ATXN1: variants seen among roughly 807,000 people sequenced by gnomAD.
The protein encoded by ATXN1 is ataxin 1, also known as ataxin-1.
A neutral mutation model predicts 56.4 loss-of-function variants in ATXN1; 8 were observed. The observed-to-expected ratio is 0.14, with a 90% CI of 0.08 to 0.26. The LOEUF (loss-of-function observed/expected upper bound fraction) is 0.26. Among genes scored for constraint, ATXN1 ranks in the 10% least tolerant of loss-of-function variants. The pLI is 1.00. For synonymous variants in ATXN1, 514 were observed against 494.6 expected, an observed-to-expected ratio of 1.04 and a Z score of -0.52; for missense variants, 987 against 1,106.5, an observed-to-expected ratio of 0.89 and a Z score of 1.53.
At chr6:16,694,283 C>T (rs555934080) in intron 2 of ATXN1, among the ~76,000 whole-genome samples, 3 of 136,592 alleles carry the variant, frequency 2.2e-5, no homozygotes, top group African/African-American at 8.1e-5. Flanking sequence ...GACGGAGTCT[C>T]GCTCTGTCGC....
chr6:16,299,425 C>CAGAG lies in ATXN1; in HGVS notation c.*6900_*6903dup, dbSNP rs1211256902. ...AGTACAATATTTTACACTGGAATTA[C>CAGAG]AGAGAGTATGCACGCATATGGAAAA... On this transcript the variant is annotated 3_prime_UTR_variant, in exon 8 of 8. Coordinates refer to ENST00000436367, the MANE Select transcript of ATXN1 (RefSeq NM_001128164.2). 1 of 152,582 alleles carries CAGAG rather than the reference C, an allele frequency of 6.6e-6. No individual in the cohort carries two copies. The highest frequency in any genetic ancestry group is 2.4e-5 in the African/African-American group (1 of 41,440). The allele number at this position is 152,582 out of a possible 1,614,324, so 9.5% of individuals were successfully genotyped here.
At chr6:16,673,114 G>A (rs1758582409) in intron 2 of ATXN1, among the ~76,000 whole-genome samples, 1 of 152,084 alleles carries the variant, frequency 6.6e-6, no homozygotes, top group Non-Finnish European at 1.5e-5. Context: ...GAGCCTGGCT[G>A]ACACTTTGAT....
At chr6:16,653,478 T>G (rs560642352) in intron 3 of ATXN1, among the ~76,000 whole-genome samples, 58 of 152,332 alleles carry the variant, frequency 3.8e-4, no homozygotes, top group African/African-American at 1.3e-3. Context: ...CAGAATAAAC[T>G]GCCAAGGGTA....
chr6:16,459,885 G>C (rs1393413419), intron 6 of ATXN1, among the ~76,000 whole-genome samples: 3 of 152,146 alleles, frequency 2.0e-5, no homozygotes, highest in Non-Finnish European at 4.4e-5. Flanking sequence ...GAACTTTCTA[G>C]CTAATCAAGG....
Position 16,716,199 on chromosome 6 carries a change from G to A in ATXN1, c.-615+37034C>T, listed in dbSNP as rs888024969. ...CTCATCCAAACTTCCCAAGGGCAGG[G>A]ATTGTGCTTCTTCATCAGTGTCTTA... On this transcript the variant is annotated intron_variant, in intron 2 of 7. Transcript: ENST00000436367. Among the ~76,000 whole-genome samples the A allele has an allele frequency of 2.7e-5, 4 of 149,184 alleles. No homozygotes were observed. In the Admixed American group the frequency reaches 2.7e-4, roughly 10 times the overall value.
chr6:16,608,277 A>C (rs1763046903), intron 3 of ATXN1, among the ~76,000 whole-genome samples: 1 of 152,126 alleles, frequency 6.6e-6, no homozygotes, highest in Non-Finnish European at 1.5e-5. Context: ...TTTCTAAGTC[A>C]CCTTTGTTGA....
chr6:16,566,114 T>C (rs113016437), intron 4 of ATXN1, among the ~76,000 whole-genome samples: 22 of 152,078 alleles, frequency 1.4e-4, no homozygotes, highest in Admixed American at 4.6e-4. Flanking sequence ...TTACGTTGAA[T>C]AACAAGAATA....
intron 5 of ATXN1, among the ~76,000 whole-genome samples, chr6:16,509,212 T>G (rs1761034422): frequency 6.6e-6 from 1 of 152,148 alleles, no homozygotes; most frequent in South Asian, 2.1e-4. Context: ...TCAGGCTGTA[T>G]CTTGAACCCA....
At chr6:16,607,702 A>G (rs1322473258) in intron 3 of ATXN1, among the ~76,000 whole-genome samples, 1 of 152,188 alleles carries the variant, frequency 6.6e-6, no homozygotes, top group Non-Finnish European at 1.5e-5. Flanking sequence ...GAAAACAAAA[A>G]TACCTTGGGT....
intron 2 of ATXN1, among the ~76,000 whole-genome samples, chr6:16,661,955 C>T (rs993870792): frequency 2.0e-5 from 3 of 152,160 alleles, no homozygotes; most frequent in African/African-American, 2.4e-5. Flanking sequence ...CTTAGAAAAA[C>T]TGAGAGATAA....
At chr6:16,656,863 C>A (rs778575794) in intron 3 of ATXN1, among the ~76,000 whole-genome samples, 5 of 152,108 alleles carry the variant, frequency 3.3e-5, no homozygotes, top group Non-Finnish European at 5.9e-5. Context: ...AGGCTACAAA[C>A]CTGGACGGCA....
At chr6:16,356,669 T>C (rs904078459) in intron 6 of ATXN1, among the ~76,000 whole-genome samples, 3 of 152,096 alleles carry the variant, frequency 2.0e-5, no homozygotes, top group African/African-American at 7.2e-5. Context: ...GGAAAGCCGT[T>C]TGAAATTCTT....
At chr6:16,660,683 C>A (rs1758299006) in intron 2 of ATXN1, among the ~76,000 whole-genome samples, 1 of 152,008 alleles carries the variant, frequency 6.6e-6, no homozygotes, top group Non-Finnish European at 1.5e-5. Flanking sequence ...AAAATCATAA[C>A]AAACACAACT....
chr6:16,556,567 C>T (rs1362510271), intron 4 of ATXN1, among the ~76,000 whole-genome samples: 2 of 152,148 alleles, frequency 1.3e-5, no homozygotes, highest in African/African-American at 4.8e-5. Flanking sequence ...CAAATAATTC[C>T]GTCAGATTCA....
intron 4 of ATXN1, among the ~76,000 whole-genome samples, chr6:16,577,418 G>A (rs1762443890): frequency 6.6e-6 from 1 of 151,766 alleles, no homozygotes; most frequent in Admixed American, 6.6e-5. Flanking sequence ...CAGCTACTTG[G>A]GAAGCTGAGG....
At chr6:16,580,333 A>C (rs1302732645) in intron 4 of ATXN1, among the ~76,000 whole-genome samples, 6 of 152,216 alleles carry the variant, frequency 3.9e-5, no homozygotes, top group Admixed American at 1.3e-4. Context: ...ATAACCTCTA[A>C]GAGAAAAAAA....
intron 2 of ATXN1, among the ~76,000 whole-genome samples, chr6:16,749,370 C>G (rs1217720351): frequency 1.3e-5 from 2 of 152,180 alleles, no homozygotes; most frequent in African/African-American, 4.8e-5. Context: ...CTTAATAAAA[C>G]TGTTTAGAGG....
intron 6 of ATXN1, among the ~76,000 whole-genome samples, chr6:16,334,840 G>T (rs748096011): frequency 6.6e-6 from 1 of 152,212 alleles, no homozygotes; most frequent in African/African-American, 2.4e-5. Context: ...GGCATGTCTA[G>T]GGGGAGTGAT....
chr6:16,548,694 C>T (rs554495126), intron 4 of ATXN1, among the ~76,000 whole-genome samples: 1 of 151,908 alleles, frequency 6.6e-6, no homozygotes, highest in African/African-American at 2.4e-5. Context: ...GAGGCCGAGG[C>T]GGGTGGATTG....
Sources: allele counts gnomAD v4.1 joint callset (sites outside exome capture counted in the v4.1 genomes callset), GRCh38; gene constraint gnomAD v4.1.1; transcripts MANE v1.5; gene names NCBI Gene and HGNC (gene_info 2026-07-23, HGNC 2026-07-21).